The following CSMD3 variants were observed in gnomAD, a reference collection of about 807,000 sequenced individuals.
The protein encoded by CSMD3 is CUB and sushi domain-containing protein 3.
In CSMD3, 177 loss-of-function variants were observed where a neutral mutation model predicts 435.2. The observed-to-expected ratio is 0.41, with a 90% CI of 0.36 to 0.46. The LOEUF is 0.46. Among genes scored for constraint, CSMD3 ranks in the 20% least tolerant of loss-of-function variants. CSMD3 has a pLI of 0.34. For missense variants in CSMD3, 4,265 were observed against 4,504.6 expected (o/e 0.95, Z 1.52); for synonymous variants, 1,656 against 1,520.5 (o/e 1.09, Z -2.07).
At chr8:113,145,451 C>T (rs2091650820) in intron 4 of CSMD3, among the ~76,000 whole-genome samples, 1 of 151,530 alleles carries the variant, frequency 6.6e-6, no homozygotes, top group African/African-American at 2.4e-5. Context: ...TCACAATTCT[C>T]TCCTTTCTTC....
chr8:112,363,348 C>A (rs544564575), intron 38 of CSMD3, among the ~76,000 whole-genome samples: 213 of 152,048 alleles, frequency 1.4e-3, no homozygotes, highest in Admixed American at 4.1e-3. Flanking sequence ...AAAAAGTATA[C>A]TTTTCTTCTT....
At chr8:113,023,369 T>A (rs2086754554) in intron 5 of CSMD3, among the ~76,000 whole-genome samples, 1 of 152,006 alleles carries the variant, frequency 6.6e-6, no homozygotes, top group Admixed American at 6.6e-5. Context: ...TTTTTCACAA[T>A]TCTCCCACTT....
chr8:112,651,223 T>C (rs989377438), intron 18 of CSMD3, among the ~76,000 whole-genome samples: 3 of 152,210 alleles, frequency 2.0e-5, no homozygotes, highest in South Asian at 2.1e-4. Flanking sequence ...ACTATTTCTA[T>C]ATTCCAAAAT....
intron 2 of CSMD3, chr8:113,309,836 G>A (rs1339578056): frequency 2.0e-5 from 3 of 152,154 alleles, no homozygotes; most frequent in African/African-American, 7.2e-5. Flanking sequence ...AACTGAGGTT[G>A]AAAATGAAAG....
rs774485267 is a variant in CSMD3 at position 113,019,188 on chromosome 8, C to A, written c.918-9G>T. On this transcript the variant is annotated splice_polypyrimidine_tract_variant and intron_variant, in intron 5 of 70. Coordinates refer to ENST00000297405, the MANE Select transcript of CSMD3 (RefSeq NM_198123.2). ...TATTCATTCCAGATAACCTGAATTA[C>A]AAAAGACAACAACAAAAAAATTTAA... 5.1e-6 allele frequency: 8 copies of A among 1,562,020 alleles called. No homozygotes were observed. Among genetic ancestry groups the A allele is most frequent in the Middle Eastern group, 1.7e-4 (1 of 5,946 alleles).
intron 3 of CSMD3, among the ~76,000 whole-genome samples, chr8:113,251,075 G>C (rs1196764939): frequency 6.6e-6 from 1 of 152,070 alleles, no homozygotes; most frequent in African/African-American, 2.4e-5. Flanking sequence ...TTCTTTACAA[G>C]TTATTCAGTA....
intron 1 of CSMD3, among the ~76,000 whole-genome samples, chr8:113,410,109 C>T (rs1450455822): frequency 6.6e-6 from 1 of 152,168 alleles, no homozygotes; most frequent in Non-Finnish European, 1.5e-5. Context: ...AATTATCTCT[C>T]ACACAAACAG....
rs369916349 is a variant in CSMD3 at position 112,798,910 on chromosome 8, G to T, written c.1972+1252C>A. Among the ~76,000 whole-genome samples the T allele has an allele frequency of 6.2e-4, 94 of 151,850 alleles. No individual in the cohort carries two copies. The South Asian group carries it at 0.019, about 31-fold the overall frequency. On this transcript the variant is annotated intron_variant, in intron 13 of 70. Transcript: ENST00000297405. The stretch of plus-strand genomic sequence containing the variant: ...AAAGATACATTTCAAGAAGTATGAC[G>T]AGGTGAGAGGATCTGTACTCCAAAT...
At chr8:112,585,862 G>A (rs926944123) in intron 23 of CSMD3, among the ~76,000 whole-genome samples, 6 of 151,594 alleles carry the variant, frequency 4.0e-5, no homozygotes, top group African/African-American at 1.4e-4. Flanking sequence ...CTATATACAA[G>A]CATCCTATTA....
intron 3 of CSMD3, among the ~76,000 whole-genome samples, chr8:113,258,485 A>G (rs1184209757): frequency 2.6e-5 from 4 of 152,186 alleles, no homozygotes; most frequent in Non-Finnish European, 5.9e-5. Flanking sequence ...TGTGGCTATA[A>G]TCTGGCCAAT....
chr8:113,209,531 G>A (rs1248740474), intron 3 of CSMD3, among the ~76,000 whole-genome samples: 1 of 152,056 alleles, frequency 6.6e-6, no homozygotes, highest in Non-Finnish European at 1.5e-5. Context: ...TATATTAAAA[G>A]TATGAATTGG....
rs572175263 is a variant in CSMD3 at position 113,141,816 on chromosome 8, A to G, written c.709+31906T>C. The stretch of plus-strand genomic sequence containing the variant: ...CATTAAAAACAGTTGTAGCTAGTAC[A>G]GTAATACGATAAACACAAAGGATTA... On this transcript the variant is annotated intron_variant, in intron 4 of 70. Transcript: ENST00000297405. 3.3e-5 allele frequency among the ~76,000 whole-genome samples: 5 copies of G among 151,174 alleles called. No individual in the cohort carries two copies. In the South Asian group the frequency reaches 1.0e-3, roughly 31 times the overall value.
chr8:113,344,929 T>G (rs575145339), intron 1 of CSMD3, among the ~76,000 whole-genome samples: 19 of 152,100 alleles, frequency 1.2e-4, no homozygotes, highest in Non-Finnish European at 2.5e-4. Flanking sequence ...TCCAAAATTA[T>G]CACTGGCTTT....
intron 1 of CSMD3, among the ~76,000 whole-genome samples, chr8:113,349,236 C>T (rs1304248700): frequency 2.0e-5 from 3 of 152,014 alleles, no homozygotes; most frequent in Non-Finnish European, 4.4e-5. Context: ...AACACTTGTG[C>T]CAAAGGGACA....
chr8:113,295,263 A>G (rs2093712185), intron 2 of CSMD3, among the ~76,000 whole-genome samples: 1 of 152,180 alleles, frequency 6.6e-6, no homozygotes, highest in South Asian at 2.1e-4. Flanking sequence ...TAGAAAGGTT[A>G]AGTGGTTTGC....
chr8:112,892,275 G>A (rs1213811921), intron 10 of CSMD3, among the ~76,000 whole-genome samples: 1 of 151,240 alleles, frequency 6.6e-6, no homozygotes, highest in Non-Finnish European at 1.5e-5. Flanking sequence ...ATAAAAAATT[G>A]TTCCTTTTTT....
intron 13 of CSMD3, among the ~76,000 whole-genome samples, chr8:112,775,528 A>T (rs1347865447): frequency 4.3e-5 from 2 of 46,518 alleles, no homozygotes; most frequent in Non-Finnish European, 8.4e-5. Context: ...TTTTATTTTA[A>T]ATCGTAGCAA....
chr8:112,487,723 C>T (rs1012877549), intron 31 of CSMD3, among the ~76,000 whole-genome samples: 5 of 151,926 alleles, frequency 3.3e-5, no homozygotes, highest in African/African-American at 7.3e-5. Flanking sequence ...GTTAGACCTG[C>T]GCCATTAGAT....
intron 6 of CSMD3, among the ~76,000 whole-genome samples, chr8:112,996,789 AAT>A (rs2131046825): frequency 6.6e-6 from 1 of 151,778 alleles, no homozygotes; most frequent in Non-Finnish European, 1.5e-5. Context: ...CAAAGGGTTA[AAT>A]TTATTATTCT....
Sources: gnomAD v4.1 joint callset for allele counts (sites outside exome capture counted in the v4.1 genomes callset) on GRCh38, gnomAD v4.1.1 for gene constraint, MANE v1.5 for transcripts, NCBI Gene and HGNC (gene_info 2026-07-23, HGNC 2026-07-21) for gene names.